Variants in PSMF1 observed in about 807,000 individuals in gnomAD.
PSMF1 encodes the protein proteasome inhibitor subunit 1.
Under a neutral mutation model 29.3 loss-of-function variants are expected in PSMF1, and 30 were observed. The observed-to-expected ratio is 1.02, with a 90% CI of 0.77 to 1.39. The LOEUF is 1.39. Ranked by LOEUF, PSMF1 falls within the 40% of genes most tolerant of loss-of-function variation. The pLI is 0.00. For missense variants in PSMF1, 344 were observed against 357.5 expected (o/e 0.96, Z 0.31); for synonymous variants, 134 against 139.7 (o/e 0.96, Z 0.29).
chr20:1,149,219 T>C (rs73071674), intron 4 of PSMF1, among the ~76,000 whole-genome samples: 8,022 of 152,294 alleles, frequency 0.053, 254 homozygotes, highest in South Asian at 0.11. Context: ...ATTCTAGATA[T>C]TCTTTACTGT....
At chr20:1,129,081 A>G (rs2086197276) in intron 3 of PSMF1, among the ~76,000 whole-genome samples, 2 of 151,268 alleles carry the variant, frequency 1.3e-5, no homozygotes, top group African/African-American at 2.4e-5. Context: ...GGGTTTCACC[A>G]TGTTAGCCAG....
rs2086039726 is a variant in PSMF1, at chr20:1,118,688, A to G, written c.-86A>G. ...AAGAACCAGCGCAAGAGGGAAGCAG[A>G]GTTATAGCTACCCCGGCCGCGGAGC... On this transcript the variant is annotated 5_prime_UTR_variant, in exon 1 of 7. Coordinates refer to ENST00000335877, the MANE Select transcript of PSMF1 (RefSeq NM_006814.5). 2.1e-6 allele frequency: 3 copies of G among 1,454,282 alleles called. No homozygotes were observed. Among genetic ancestry groups the G allele is most frequent in the South Asian group, 1.3e-5 (1 of 78,502 alleles). The allele number at this position is 1,454,282 out of a possible 1,614,324, so 90.1% of individuals were successfully genotyped here.
chr20:1,113,852 C>T (rs572703937), upstream of PSMF1, among the ~76,000 whole-genome samples: 220 of 152,130 alleles, frequency 1.4e-3, 3 homozygotes, highest in African/African-American at 4.9e-3. Flanking sequence ...CCACCACGCC[C>T]GGCTAATTTT....
chr20:1,161,685 C>T (rs2086669091), intron 4 of PSMF1: 1 of 650,754 alleles, frequency 1.5e-6, no homozygotes, highest in Admixed American at 2.0e-5. Flanking sequence ...ATGTCCACCA[C>T]AAATGCTTCT....
chr20:1,120,789 G>C (rs1306547860), intron 1 of PSMF1, among the ~76,000 whole-genome samples: 1 of 152,096 alleles, frequency 6.6e-6, no homozygotes, highest in Non-Finnish European at 1.5e-5. Context: ...TTTGCACTCT[G>C]TCCCTCCTCA....
Position 1,171,534 on chromosome 20 carries a change from C to T in PSMF1, c.*6454C>T, listed in dbSNP as rs565037522. On this transcript the variant is annotated 3_prime_UTR_variant, in exon 7 of 7. Coordinates refer to ENST00000335877, the MANE Select transcript of PSMF1 (RefSeq NM_006814.5). ...ACAAATCCTGGCTCCAAGTCCAGGG[C>T]GTTTCCAGTAAGCACTGTCCAAATC... 5.9e-5 allele frequency among the ~76,000 whole-genome samples: 9 copies of T among 152,334 alleles called. No homozygotes were observed. The highest frequency in any genetic ancestry group is 2.2e-4 in the African/African-American group (9 of 41,570).
chr20:1,150,446 C>CA lies in PSMF1; in HGVS notation c.552-12675dup, dbSNP rs111349364. Among the ~76,000 whole-genome samples, 1,288 of 149,300 alleles carry CA rather than the reference C, an allele frequency of 8.6e-3. 8 individuals carry two copies. The highest frequency in any genetic ancestry group is 0.02 in the South Asian group (93 of 4,688). ...ACCGTCAGTGCAAATGTCAACACAG[C>CA]AAAAAAAAAGCAAATAGCTTCTGAG... On this transcript the variant is annotated intron_variant, in intron 4 of 6. Transcript: ENST00000335877.
chr20:1,118,964 C>G, intron 1 of PSMF1, 62 bp downstream of exon 1: 1 of 1,585,106 alleles, frequency 6.3e-7, no homozygotes, highest in Non-Finnish European at 8.6e-7. Flanking sequence ...CTCAGAGTAC[C>G]GGAGGCCTGG....
rs1019479090 is a variant in PSMF1, at chr20:1,132,953, T to G, written c.366-2168T>G. ...TCCTGTCACCTTGCTGAATTCAAGGTGTTTAGGGTTTTTTTGTTTTTTTTT... is the reference window on the plus strand; with the variant it reads ...TCCTGTCACCTTGCTGAATTCAAGGGGTTTAGGGTTTTTTTGTTTTTTTTT... On this transcript the variant is annotated intron_variant, in intron 3 of 6. Coordinates refer to ENST00000335877, the MANE Select transcript of PSMF1 (RefSeq NM_006814.5). 1.4e-4 allele frequency among the ~76,000 whole-genome samples: 19 copies of G among 139,826 alleles called. No homozygotes were observed. The Admixed American group carries it at 1.4e-3, about 10-fold the overall frequency. 91.7% of individuals were successfully genotyped at this position (139,826 alleles called of 152,430 possible).
rs1217034678 is a variant in PSMF1, at chr20:1,133,569, A to ATTT, written c.366-1538_366-1536dup. On this transcript the variant is annotated intron_variant, in intron 3 of 6. Transcript: ENST00000335877. Reference sequence around the variant, plus strand: ...TCTATATATGTGTATATATATATATATTTTTTTTTTTTTTTTGGTGTAGTC... The same window carrying ATTT: ...TCTATATATGTGTATATATATATATATTTTTTTTTTTTTTTTTTTGGTGTAGTC... 1.5e-4 allele frequency among the ~76,000 whole-genome samples: 8 copies of ATTT among 53,282 alleles called. 1 individual carries two copies. The highest frequency in any genetic ancestry group is 4.5e-4 in the African/African-American group (8 of 17,788). The allele number at this position is 53,282 out of a possible 152,430, so 35.0% of individuals were successfully genotyped here. A position where few individuals can be genotyped will look rare whatever the true frequency, so the allele number is the denominator to read the frequency against.
chr20:1,116,392 G>A (rs1433008022), upstream of PSMF1, among the ~76,000 whole-genome samples: 5 of 152,218 alleles, frequency 3.3e-5, no homozygotes, highest in Non-Finnish European at 5.9e-5. Context: ...CATCCAGAAT[G>A]TAGTCAACAT....
intron 4 of PSMF1, among the ~76,000 whole-genome samples, chr20:1,158,913 A>G (rs914925236): frequency 2.0e-5 from 3 of 152,148 alleles, no homozygotes; most frequent in Non-Finnish European, 2.9e-5. Flanking sequence ...AAAATTAGCC[A>G]GGCGTGGTGG....
Position 1,169,160 on chromosome 20 carries a change from G to A in PSMF1, c.*4080G>A, listed in dbSNP as rs77450479. Among the ~76,000 whole-genome samples the A allele has an allele frequency of 7.2e-5, 11 of 152,220 alleles. No individual in the cohort carries two copies. The highest frequency in any genetic ancestry group is 1.9e-4 in the East Asian group (1 of 5,158). On this transcript the variant is annotated 3_prime_UTR_variant, in exon 7 of 7. Transcript: ENST00000335877. ...TGCATCTGAACCCCAGGACTAATGC[G>A]TCACTGCATTAACCCCAGGACACAT...
rs140462835 is a variant in PSMF1 at position 1,118,889 on chromosome 20, G to C, written c.116G>C (p.Gly39Ala). 69 of 1,614,062 alleles carry C rather than the reference G, an allele frequency of 4.3e-5. No individual in the cohort carries two copies. The South Asian group carries it at 7.0e-4, about 16-fold the overall frequency. The change falls in exon 1 of 7, where the codon GGT becomes GCT. Residue 39 changes from glycine (G) to alanine (A), a missense_variant. Physicochemically the swap from Gly to Ala is moderately conservative, Grantham distance 60. Transcript: ENST00000335877. ...EVVTHGYFGL[G>A]VGDQPGPNDK... Reference sequence around the variant, plus strand: ...GTGACACACGGTTACTTCGGCTTGGGTGTCGGTGACCAGGTACGCCACGGA... The same window carrying C: ...GTGACACACGGTTACTTCGGCTTGGCTGTCGGTGACCAGGTACGCCACGGA...
At chr20:1,115,711 T>C (rs897397177), upstream of PSMF1, among the ~76,000 whole-genome samples, 2 of 150,384 alleles carry the variant, frequency 1.3e-5, no homozygotes, top group East Asian at 3.9e-4. Flanking sequence ...TTCCTTTTAC[T>C]GGAACACCTT....
chr20:1,130,005 A>C (rs1366980919), intron 3 of PSMF1, among the ~76,000 whole-genome samples: 1 of 152,218 alleles, frequency 6.6e-6, no homozygotes, highest in Non-Finnish European at 1.5e-5. Flanking sequence ...AAAGGAAGGA[A>C]ATTCTGGCCC....
upstream of PSMF1, among the ~76,000 whole-genome samples, chr20:1,117,493 G>A (rs1250005997): frequency 1.3e-5 from 2 of 152,088 alleles, no homozygotes; most frequent in Non-Finnish European, 2.9e-5. Context: ...AAAGGCGTGC[G>A]CCACCACACC....
rs1007783348 is a variant in PSMF1 at position 1,167,428 on chromosome 20, A to C, written c.*2348A>C. The C allele has an allele frequency of 6.6e-6, 1 of 152,260 alleles. No individual in the cohort carries two copies. The highest frequency in any genetic ancestry group is 6.5e-5 in the Admixed American group (1 of 15,280). 9.4% of individuals were successfully genotyped at this position (152,260 alleles called of 1,614,324 possible). A position where few individuals can be genotyped will look rare whatever the true frequency, so the allele number is the denominator to read the frequency against. ...AATTCAGTGGATTTAGTATGTTCAC[A>C]GTGTTGCACATCCACCACCATTTCT... On this transcript the variant is annotated 3_prime_UTR_variant, in exon 7 of 7. Coordinates refer to ENST00000335877, the MANE Select transcript of PSMF1 (RefSeq NM_006814.5).
chr20:1,164,183 C>T lies in PSMF1; in HGVS notation c.606-135C>T, dbSNP rs1020970027. 22 of 894,218 alleles carry T rather than the reference C, an allele frequency of 2.5e-5. No homozygotes were observed. Among genetic ancestry groups the T allele is most frequent in the African/African-American group, 8.2e-5 (5 of 60,614 alleles). The allele number at this position is 894,218 out of a possible 1,614,324, so 55.4% of individuals were successfully genotyped here. On this transcript the variant is annotated intron_variant, in intron 5 of 6. Coordinates refer to ENST00000335877, the MANE Select transcript of PSMF1 (RefSeq NM_006814.5). The surrounding 1 kb of genome is among the most constrained non-coding windows in gnomAD (Gnocchi z 4.1). Reference sequence around the variant, plus strand: ...TGCCCACTTTCCGCTGGCTCTCAGGCAGCCATCCACATGTCTGCTTGGGCC... The same window carrying T: ...TGCCCACTTTCCGCTGGCTCTCAGGTAGCCATCCACATGTCTGCTTGGGCC...
Sources: gnomAD v4.1 joint callset for allele counts (sites outside exome capture counted in the v4.1 genomes callset) on GRCh38, gnomAD v4.1.1 for gene constraint, Gnocchi (gnomAD v3.1) non-coding constraint, MANE v1.5 for transcripts, NCBI Gene and HGNC (gene_info 2026-07-23, HGNC 2026-07-21) for gene names.